LHFPL6: variants seen among roughly 807,000 people sequenced by gnomAD.
The protein encoded by LHFPL6 is LHFPL tetraspan subfamily member 6 protein.
LHFPL6 carries 9 observed loss-of-function variants against 20.6 expected under a neutral mutation model. That is an observed-to-expected ratio of 0.44 (90% CI 0.26 to 0.76). LHFPL6 has a LOEUF of 0.76. LHFPL6 is among the 30% of genes least tolerant of loss of function. The pLI is 0.20. For synonymous variants in LHFPL6, 105 were observed against 98.7 expected (o/e 1.06, Z -0.38); for missense variants, 218 against 253.5 (o/e 0.86, Z 0.95).
At chr13:39,426,466 C>A (rs562522953) in intron 2 of LHFPL6, among the ~76,000 whole-genome samples, 51 of 152,254 alleles carry the variant, frequency 3.3e-4, no homozygotes, top group Admixed American at 1.1e-3. Flanking sequence ...GTGATCCACC[C>A]ACCTCGGCCT....
chr13:39,503,623 G>A (rs1197449572), intron 2 of LHFPL6, among the ~76,000 whole-genome samples: 2 of 152,200 alleles, frequency 1.3e-5, no homozygotes, highest in African/African-American at 2.4e-5. Context: ...ACCTAGAACA[G>A]TGCTTGGTAT....
intron 2 of LHFPL6, among the ~76,000 whole-genome samples, chr13:39,558,664 T>C (rs752180353): frequency 5.9e-5 from 9 of 152,202 alleles, no homozygotes; most frequent in Non-Finnish European, 8.8e-5. Flanking sequence ...CTAAGTTGTA[T>C]GCTGGCGTAT....
intron 2 of LHFPL6, among the ~76,000 whole-genome samples, chr13:39,545,117 G>T (rs1269043266): frequency 1.3e-5 from 2 of 151,708 alleles, no homozygotes; most frequent in African/African-American, 4.9e-5. Context: ...GTGGGGACGG[G>T]CGCCTGTAGT....
chr13:39,564,676 GTAAA>G (rs1246893725), intron 2 of LHFPL6, among the ~76,000 whole-genome samples: 1 of 152,174 alleles, frequency 6.6e-6, no homozygotes, highest in Non-Finnish European at 1.5e-5. Flanking sequence ...CTAACCATGG[GTAAA>G]TAAAGTCAGT....
intron 2 of LHFPL6, among the ~76,000 whole-genome samples, chr13:39,590,908 G>A (rs1039952993): frequency 2.0e-5 from 3 of 152,162 alleles, no homozygotes; most frequent in Non-Finnish European, 4.4e-5. Flanking sequence ...CATGGCCTCA[G>A]GGGTATCTGG....
intron 2 of LHFPL6, among the ~76,000 whole-genome samples, chr13:39,440,217 A>T (rs1041180707): frequency 6.6e-6 from 1 of 152,218 alleles, no homozygotes; most frequent in Non-Finnish European, 1.5e-5. Flanking sequence ...AGAGTTAATT[A>T]TAAGGACTGG....
At chr13:39,404,510 C>T (rs1017286659) in intron 2 of LHFPL6, among the ~76,000 whole-genome samples, 4 of 152,172 alleles carry the variant, frequency 2.6e-5, no homozygotes, top group African/African-American at 9.7e-5. Flanking sequence ...ATGCCCAGGC[C>T]ACAGCCTATA....
chr13:39,420,971 C>T (rs775352620), intron 2 of LHFPL6, among the ~76,000 whole-genome samples: 3 of 152,138 alleles, frequency 2.0e-5, no homozygotes, highest in Non-Finnish European at 2.9e-5. Context: ...TTTCCCCCCC[C>T]TCAAAACTAG....
At chr13:39,577,670 C>T (rs1285101282) in intron 2 of LHFPL6, among the ~76,000 whole-genome samples, 2 of 151,948 alleles carry the variant, frequency 1.3e-5, no homozygotes, top group Non-Finnish European at 2.9e-5. Flanking sequence ...CTCACTCTGT[C>T]GCCCACGCTA....
intron 3 of LHFPL6, among the ~76,000 whole-genome samples, chr13:39,346,384 G>A (rs1187726691): frequency 6.6e-6 from 1 of 152,144 alleles, no homozygotes. Context: ...ATAAGCAAAT[G>A]TGTATTGATT....
intron 2 of LHFPL6, among the ~76,000 whole-genome samples, chr13:39,431,324 A>ATGTT (rs1871793573): frequency 1.3e-5 from 2 of 152,190 alleles, no homozygotes; most frequent in African/African-American, 4.8e-5. Context: ...ACACATCTGA[A>ATGTT]CATCTGAAGG....
At chr13:39,480,282 G>A (rs1286472397) in intron 2 of LHFPL6, among the ~76,000 whole-genome samples, 1 of 152,092 alleles carries the variant, frequency 6.6e-6, no homozygotes, top group Non-Finnish European at 1.5e-5. Flanking sequence ...TTAAATGAAA[G>A]CACTTATTAC....
chr13:39,576,367 G>T (rs943003205), intron 2 of LHFPL6, among the ~76,000 whole-genome samples: 3 of 152,260 alleles, frequency 2.0e-5, no homozygotes, highest in Admixed American at 6.5e-5. Flanking sequence ...ATCAAAGATG[G>T]TAAATTAAGC....
At chr13:39,451,709 T>C (rs185298424) in intron 2 of LHFPL6, among the ~76,000 whole-genome samples, 110 of 152,366 alleles carry the variant, frequency 7.2e-4, no homozygotes, top group African/African-American at 2.5e-3. Context: ...GTTAATATTT[T>C]CTTTTTAATA....
intron 2 of LHFPL6, among the ~76,000 whole-genome samples, chr13:39,414,567 G>T (rs542884): frequency 0.015 from 2,281 of 151,586 alleles, 52 homozygotes; most frequent in African/African-American, 0.053. Flanking sequence ...TCAGTCTTCT[G>T]GGACTTTCTT....
chr13:39,448,850 A>G (rs1872364453), intron 2 of LHFPL6, among the ~76,000 whole-genome samples: 1 of 152,270 alleles, frequency 6.6e-6, no homozygotes, highest in South Asian at 2.1e-4. Flanking sequence ...CAAAACTAAG[A>G]GTAATATTCT....
At chr13:39,473,354 A>G (rs1296022254) in intron 2 of LHFPL6, among the ~76,000 whole-genome samples, 4 of 150,626 alleles carry the variant, frequency 2.7e-5, no homozygotes, top group African/African-American at 9.8e-5. Flanking sequence ...ACACACACAC[A>G]CAAACACAAA....
At chr13:39,357,681 A>T (rs565522380) in intron 3 of LHFPL6, among the ~76,000 whole-genome samples, 8 of 152,220 alleles carry the variant, frequency 5.3e-5, no homozygotes, top group Non-Finnish European at 7.3e-5. Context: ...CAGAAAAATC[A>T]GTAGCATTTT....
rs181510552 is a variant in LHFPL6 at position 39,572,200 on chromosome 13, T to A, written c.385+28632A>T. Among the ~76,000 whole-genome samples, 8 of 151,886 alleles carry A rather than the reference T, an allele frequency of 5.3e-5. No homozygotes were observed. In the East Asian group the frequency reaches 1.5e-3, roughly 29 times the overall value. ...TAAAGACACCTAATATTGCATACAA[T>A]CAAATATAAAATAAAGCATTTAAGA... is the stretch of plus-strand genomic sequence containing the variant. On this transcript the variant is annotated intron_variant, in intron 2 of 3. Coordinates refer to ENST00000379589, the MANE Select transcript of LHFPL6 (RefSeq NM_005780.3).
Sources: gnomAD v4.1 joint callset for allele counts (sites outside exome capture counted in the v4.1 genomes callset) on GRCh38, gnomAD v4.1.1 for gene constraint, MANE v1.5 for transcripts, NCBI Gene and HGNC (gene_info 2026-07-23, HGNC 2026-07-21) for gene names.